Variants in GDAP1 observed in about 807,000 individuals in gnomAD.
GDAP1 encodes ganglioside-induced differentiation-associated protein 1.
Under a neutral mutation model 40.1 loss-of-function variants are expected in GDAP1, and 34 were observed. The observed-to-expected ratio is 0.85, with a 90% CI of 0.64 to 1.13. The LOEUF (loss-of-function observed/expected upper bound fraction) is 1.13. GDAP1 is among the 50% of genes most tolerant of loss of function. The pLI is 0.00. For synonymous variants in GDAP1, 170 were observed against 157.4 expected, an observed-to-expected ratio of 1.08 and a Z score of -0.60; for missense variants, 374 against 433.7, an observed-to-expected ratio of 0.86 and a Z score of 1.22.
rs537708016 is a variant in GDAP1 at position 74,420,236 on chromosome 8, T to C, written c.166-68442T>C. On this transcript the variant is annotated intron_variant, in intron 2 of 2. Coordinates refer to the GDAP1 transcript ENST00000523640. ...GGGAACTTCATTTTTTAAATTATAG[T>C]GGAGTGTCATAAAAAATGGAAGTGG... Among the ~76,000 whole-genome samples the C allele has an allele frequency of 5.2e-4, 79 of 152,248 alleles. No homozygotes were observed. The Middle Eastern group carries it at 0.01, about 20-fold the overall frequency.
Position 74,365,196 on chromosome 8 carries a change from T to C in GDAP1, c.*829T>C, listed in dbSNP as rs777707239. The C allele has an allele frequency of 6.6e-6, 3 of 454,106 alleles. No individual in the cohort carries two copies. The highest frequency in any genetic ancestry group is 1.6e-5 in the South Asian group (1 of 64,468). The allele number at this position is 454,106 out of a possible 1,614,324, so 28.1% of individuals were successfully genotyped here. On this transcript the variant is annotated 3_prime_UTR_variant, in exon 6 of 6. Coordinates refer to ENST00000220822, the MANE Select transcript of GDAP1 (RefSeq NM_018972.4). ...GGCTGGGTAGTGGGTATTTTGATGATCTGGGAGCACCAAATATGTTCATTC... is the reference window on the plus strand; with the variant it reads ...GGCTGGGTAGTGGGTATTTTGATGACCTGGGAGCACCAAATATGTTCATTC...
At chr8:74,427,297 A>G (rs985979243) in intron 2 of GDAP1, among the ~76,000 whole-genome samples, 11 of 152,208 alleles carry the variant, frequency 7.2e-5, no homozygotes, top group African/African-American at 2.7e-4. Context: ...AGGTGAAACC[A>G]GCATAGAAAA....
At chr8:74,404,885 C>T (rs1805617505) in intron 2 of GDAP1, among the ~76,000 whole-genome samples, 2 of 149,906 alleles carry the variant, frequency 1.3e-5, no homozygotes, top group Non-Finnish European at 2.9e-5. Context: ...CAAAGATGCT[C>T]ATGTCTTATA....
intron 2 of GDAP1, among the ~76,000 whole-genome samples, chr8:74,388,978 TC>T (rs1469333957): frequency 6.6e-6 from 1 of 152,220 alleles, no homozygotes; most frequent in Admixed American, 6.5e-5. Flanking sequence ...TAAAGTCTGT[TC>T]TATCAGAGAT....
intron 2 of GDAP1, among the ~76,000 whole-genome samples, chr8:74,438,510 T>G (rs1019886489): frequency 3.0e-4 from 45 of 152,360 alleles, no homozygotes; most frequent in African/African-American, 1.0e-3. Flanking sequence ...CTAATGAGGT[T>G]GAGCGTCTTT....
intron 2 of GDAP1, among the ~76,000 whole-genome samples, chr8:74,395,365 C>A (rs1223762422): frequency 6.6e-6 from 1 of 152,096 alleles, no homozygotes; most frequent in African/African-American, 2.4e-5. Context: ...ATATTAAACA[C>A]CTGGATATTA....
chr8:74,470,833 A>C (rs1806543345), intron 2 of GDAP1, among the ~76,000 whole-genome samples: 1 of 152,146 alleles, frequency 6.6e-6, no homozygotes, highest in Non-Finnish European at 1.5e-5. Flanking sequence ...CGCCACACTG[A>C]CTTCCACAAT....
At chr8:74,441,557 A>T (rs1469843299) in intron 2 of GDAP1, among the ~76,000 whole-genome samples, 2 of 152,138 alleles carry the variant, frequency 1.3e-5, no homozygotes, top group African/African-American at 4.8e-5. Context: ...GATTAATGAG[A>T]TAGGGCTTAC....
At chr8:74,375,158 C>T (rs935528861) in intron 2 of GDAP1, among the ~76,000 whole-genome samples, 2 of 152,088 alleles carry the variant, frequency 1.3e-5, no homozygotes, top group African/African-American at 4.8e-5. Context: ...GAAACTCTGT[C>T]TCTACTAAAA....
intron 2 of GDAP1, among the ~76,000 whole-genome samples, chr8:74,455,064 CAA>C (rs1380758881): frequency 1.3e-5 from 2 of 151,770 alleles, no homozygotes; most frequent in East Asian, 3.9e-4. Flanking sequence ...AGAATAAAGA[CAA>C]TATGAGTGTT....
Position 74,351,480 on chromosome 8 carries a change from T to C in GDAP1, c.310+14T>C. 1 of 1,583,878 alleles carries C rather than the reference T, an allele frequency of 6.3e-7. No homozygotes were observed. The highest frequency in any genetic ancestry group is 8.7e-7 in the Non-Finnish European group (1 of 1,152,314). On this transcript the variant is annotated intron_variant, in intron 2 of 5. Transcript: ENST00000220822. ...CTTTCCTGGATGGTAATGTTAAGGCTACTTGCGATTTCTTGGATTTACTTT... is the reference window on the plus strand; with the variant it reads ...CTTTCCTGGATGGTAATGTTAAGGCCACTTGCGATTTCTTGGATTTACTTT...
chr8:74,378,519 G>A (rs1175004404), intron 2 of GDAP1, among the ~76,000 whole-genome samples: 1 of 152,180 alleles, frequency 6.6e-6, no homozygotes, highest in Non-Finnish European at 1.5e-5. Flanking sequence ...TACTGGGAGG[G>A]GAATGTTTGA....
rs1160617277 is a variant in GDAP1 at position 74,364,240 on chromosome 8, C to G, written c.950C>G (p.Pro317Arg). ...TTCCGGGTGGCCAAGAAAAGGGCCCCAAAAGTTCTTGGCACGACCCTTGTG... is the reference window on the plus strand; with the variant it reads ...TTCCGGGTGGCCAAGAAAAGGGCCCGAAAAGTTCTTGGCACGACCCTTGTG... ...TAFRVAKKRA[P>R]KVLGTTLVVG... The change falls in exon 6 of 6, where the codon CCA becomes CGA. Residue 317 changes from proline to arginine, a missense_variant. Transcript: ENST00000220822. 1 of 1,614,042 alleles carries G rather than the reference C, an allele frequency of 6.2e-7. No individual in the cohort carries two copies. Among genetic ancestry groups the G allele is most frequent in the Non-Finnish European group, 8.5e-7 (1 of 1,180,042 alleles).
intron 2 of GDAP1, among the ~76,000 whole-genome samples, chr8:74,413,065 CAAA>C (rs71269990): frequency 3.5e-5 from 2 of 57,156 alleles, no homozygotes; most frequent in African/African-American, 9.5e-5. Context: ...GACTCTGTCT[CAAA>C]AAAAAAAAAA....
downstream of GDAP1, among the ~76,000 whole-genome samples, chr8:74,371,468 G>C (rs1448412473): frequency 6.6e-6 from 1 of 151,924 alleles, no homozygotes; most frequent in Non-Finnish European, 1.5e-5. Context: ...AGACCATTCT[G>C]GCTAACACGG....
At chr8:74,379,079 A>G (rs1025342692) in intron 2 of GDAP1, among the ~76,000 whole-genome samples, 4 of 152,152 alleles carry the variant, frequency 2.6e-5, no homozygotes, top group Admixed American at 6.5e-5. Flanking sequence ...GGCTGGAGCA[A>G]TCTTCCATTA....
At chr8:74,416,044 A>T (rs1805773773) in intron 2 of GDAP1, among the ~76,000 whole-genome samples, 1 of 149,536 alleles carries the variant, frequency 6.7e-6, no homozygotes, top group Admixed American at 6.6e-5. Context: ...TTCAGATCTG[A>T]GCTCAGACTA....
intron 2 of GDAP1, among the ~76,000 whole-genome samples, chr8:74,386,873 G>A (rs1266153336): frequency 1.3e-5 from 2 of 152,120 alleles, no homozygotes; most frequent in African/African-American, 4.8e-5. Flanking sequence ...GCAGTGGTTT[G>A]TAGTTCTCCT....
chr8:74,355,249 T>C (rs568199040), intron 2 of GDAP1, among the ~76,000 whole-genome samples: 2 of 152,166 alleles, frequency 1.3e-5, no homozygotes, highest in Non-Finnish European at 1.5e-5. Context: ...AACTAAGAGC[T>C]GGCCGAGAGC....
Sources: gnomAD v4.1 joint callset for allele counts (sites outside exome capture counted in the v4.1 genomes callset) on GRCh38, gnomAD v4.1.1 for gene constraint, MANE v1.5 for transcripts, NCBI Gene and HGNC (gene_info 2026-07-23, HGNC 2026-07-21) for gene names.